The following NHS variants were observed in gnomAD, a reference collection of about 807,000 sequenced individuals.
The protein encoded by NHS is NHS actin remodeling regulator, also known as actin remodeling regulator NHS.
A neutral mutation model predicts 72.5 loss-of-function variants in NHS; 5 were observed. The observed-to-expected ratio is 0.07, with a 90% CI of 0.04 to 0.14. The LOEUF is 0.14. Ranked by LOEUF, NHS falls within the 10% of genes least tolerant of loss-of-function variation. NHS has a pLI of 1.00. For synonymous variants in NHS, 464 were observed against 547.7 expected, an observed-to-expected ratio of 0.85 and a Z score of 2.13; for missense variants, 1,072 against 1,355.7, an observed-to-expected ratio of 0.79 and a Z score of 3.29.
chrX:17,445,486 C>A (rs1478766170), intron 1 of NHS, among the ~76,000 whole-genome samples: 1 of 109,233 alleles, frequency 9.2e-6, no homozygotes, highest in African/African-American at 3.4e-5. Flanking sequence ...TGAGATTCAC[C>A]CATGTTGTTG....
At chrX:17,613,413 C>A (rs1008155231) in intron 1 of NHS, among the ~76,000 whole-genome samples, 11 of 111,405 alleles carry the variant, frequency 9.9e-5, no homozygotes, top group African/African-American at 3.6e-4. Context: ...CAAGAACAAC[C>A]CTTCCCCCTA....
Position 17,482,011 on chromosome X carries a change from C to T in NHS, c.565+105689C>T, listed in dbSNP as rs189186790. Among the ~76,000 whole-genome samples the T allele has an allele frequency of 3.3e-3, 366 of 112,321 alleles. 4 individuals are homozygous for T. The highest frequency in any genetic ancestry group is 0.029 in the Admixed American group (306 of 10,595). Reference sequence around the variant, plus strand: ...TCATTTTTAAATGTAGGCTTTGGAGCTTCACTAAATTGGGTTCAGATCCTG... The same window carrying T: ...TCATTTTTAAATGTAGGCTTTGGAGTTTCACTAAATTGGGTTCAGATCCTG... On this transcript the variant is annotated intron_variant, in intron 1 of 8. Coordinates refer to ENST00000676302, the MANE Select transcript of NHS (RefSeq NM_001291867.2).
intron 1 of NHS, among the ~76,000 whole-genome samples, chrX:17,629,381 T>C (rs1448655640): frequency 8.9e-6 from 1 of 112,228 alleles, no homozygotes; most frequent in African/African-American, 3.2e-5. Flanking sequence ...CCTGGGTCTC[T>C]GCCCTGATAT....
chrX:17,706,490 AACACACACACAC>A (rs200289537), intron 3 of NHS, among the ~76,000 whole-genome samples: 4 of 98,066 alleles, frequency 4.1e-5, no homozygotes, highest in African/African-American at 7.5e-5. Flanking sequence ...TCAAAATAGA[AACACACACACAC>A]ACACACACAC....
At chrX:17,617,348 G>A (rs1323758027) in intron 1 of NHS, among the ~76,000 whole-genome samples, 1 of 112,408 alleles carries the variant, frequency 8.9e-6, no homozygotes, top group Non-Finnish European at 1.9e-5. Flanking sequence ...GTTTTTAGAT[G>A]CTCATGGCTT....
At chrX:17,555,829 C>A (rs888260544) in intron 1 of NHS, among the ~76,000 whole-genome samples, 1 of 111,964 alleles carries the variant, frequency 8.9e-6, no homozygotes, top group Non-Finnish European at 1.9e-5. Context: ...CCTGCTGGCA[C>A]TGCAGTAGCA....
At chrX:17,505,336 G>A (rs1032025401) in intron 1 of NHS, among the ~76,000 whole-genome samples, 1 of 111,388 alleles carries the variant, frequency 9.0e-6, no homozygotes, top group African/African-American at 3.3e-5. Flanking sequence ...GGAATTGCCA[G>A]TTCAAAGGGT....
intron 1 of NHS, among the ~76,000 whole-genome samples, chrX:17,563,500 C>G (rs2065426124): frequency 8.9e-6 from 1 of 112,431 alleles, no homozygotes; most frequent in Admixed American, 9.4e-5. Context: ...AGCAGAGGAG[C>G]TTTCTAATGA....
At chrX:17,387,311 A>G (rs2064415907) in intron 1 of NHS, among the ~76,000 whole-genome samples, 1 of 112,107 alleles carries the variant, frequency 8.9e-6, no homozygotes, top group Non-Finnish European at 1.9e-5. Flanking sequence ...CAAAAGGGAA[A>G]TGAGGTTAAT....
intron 1 of NHS, among the ~76,000 whole-genome samples, chrX:17,544,723 G>A (rs1030095347): frequency 4.5e-5 from 5 of 111,358 alleles, no homozygotes; most frequent in African/African-American, 1.6e-4. Context: ...ATGTTGGCCC[G>A]GCTGGTCTTG....
At chrX:17,546,623 T>C (rs2065294718) in intron 1 of NHS, among the ~76,000 whole-genome samples, 1 of 111,766 alleles carries the variant, frequency 8.9e-6, no homozygotes, top group Non-Finnish European at 1.9e-5. Context: ...ATAAGGCAGT[T>C]CTTGCCCACA....
At chrX:17,694,928 C>A (rs761649355) in intron 3 of NHS, among the ~76,000 whole-genome samples, 3 of 111,769 alleles carry the variant, frequency 2.7e-5, no homozygotes, top group Non-Finnish European at 5.6e-5. Flanking sequence ...GTCTCTTTAT[C>A]TGTAAAATGG....
intron 1 of NHS, among the ~76,000 whole-genome samples, chrX:17,572,817 C>T (rs891287535): frequency 1.8e-5 from 2 of 111,502 alleles, no homozygotes; most frequent in Non-Finnish European, 3.8e-5. Flanking sequence ...TGGCTGGTAC[C>T]GGTTGCTCCT....
chrX:17,721,817 T>C (rs1013402743), intron 5 of NHS, among the ~76,000 whole-genome samples, 184 bp downstream of exon 5: 4 of 112,120 alleles, frequency 3.6e-5, no homozygotes, highest in Middle Eastern at 9.2e-3. Flanking sequence ...TTTACATGTT[T>C]TCCGCGGGCC....
At chrX:17,429,979 A>G (rs909774635) in intron 1 of NHS, among the ~76,000 whole-genome samples, 11 of 110,792 alleles carry the variant, frequency 9.9e-5, no homozygotes, top group African/African-American at 3.3e-4. Context: ...CACTGTAACC[A>G]CTTTGGTTAA....
At chrX:17,424,716 T>C (rs987924122) in intron 1 of NHS, among the ~76,000 whole-genome samples, 3 of 112,373 alleles carry the variant, frequency 2.7e-5, no homozygotes, top group African/African-American at 9.7e-5. Context: ...TTTTGAGAAG[T>C]TTCTCTGCTC....
At chrX:17,663,138 A>G (rs1422708092) in intron 1 of NHS, among the ~76,000 whole-genome samples, 1 of 111,945 alleles carries the variant, frequency 8.9e-6, no homozygotes, top group African/African-American at 3.2e-5. Flanking sequence ...AAAATGGATA[A>G]CCATGCATGG....
intron 1 of NHS, among the ~76,000 whole-genome samples, chrX:17,580,728 CTA>C (rs2065539329): frequency 8.9e-6 from 1 of 112,225 alleles, no homozygotes; most frequent in African/African-American, 3.2e-5. Context: ...GAAGCTAATG[CTA>C]TTAATAGTCA....
At chrX:17,504,851 T>C (rs1244083377) in intron 1 of NHS, among the ~76,000 whole-genome samples, 1 of 111,846 alleles carries the variant, frequency 8.9e-6, no homozygotes, top group African/African-American at 3.2e-5. Flanking sequence ...TTAAAATACA[T>C]GTACACTGTT....
Sources: gnomAD v4.1 joint callset for allele counts (sites outside exome capture counted in the v4.1 genomes callset) on GRCh38, gnomAD v4.1.1 for gene constraint, MANE v1.5 for transcripts, NCBI Gene and HGNC (gene_info 2026-07-23, HGNC 2026-07-21) for gene names.